The following TDRD9 variants were observed in gnomAD, a reference collection of about 807,000 sequenced individuals.
The protein encoded by TDRD9 is tudor domain containing 9.
TDRD9 carries 124 observed loss-of-function variants against 172.6 expected under a neutral mutation model. The observed-to-expected ratio is 0.72, with a 90% CI of 0.62 to 0.83. The LOEUF is 0.83. TDRD9 is among the 40% of genes least tolerant of loss of function. The pLI, the probability that TDRD9 is intolerant of heterozygous loss-of-function variation, is 0.00. For missense variants in TDRD9, 1,479 were observed against 1,714.1 expected (o/e 0.86, Z 2.42); for synonymous variants, 619 against 617.1 (o/e 1.00, Z -0.05).
At chr14:104,047,351 T>C (rs1027255317) in intron 34 of TDRD9, among the ~76,000 whole-genome samples, 2 of 152,226 alleles carry the variant, frequency 1.3e-5, no homozygotes, top group African/African-American at 2.4e-5. Flanking sequence ...TAAACTTCTG[T>C]ATTCTAGTAG....
chr14:103,956,142 ATATATAT>A (rs1477549810), intron 2 of TDRD9, among the ~76,000 whole-genome samples: 5 of 112,132 alleles, frequency 4.5e-5, no homozygotes, highest in Non-Finnish European at 7.0e-5. Flanking sequence ...ATATATATAT[ATATATAT>A]AATTATTAGG....
chr14:104,008,365 C>G, intron 19 of TDRD9, 48 bp from the exon 20 acceptor site: 1 of 1,103,964 alleles, frequency 9.1e-7, no homozygotes. Flanking sequence ...AAATTCAGCT[C>G]TAATTTATTA....
intron 1 of TDRD9, among the ~76,000 whole-genome samples, chr14:103,929,488 C>T (rs926689800): frequency 6.6e-6 from 1 of 152,094 alleles, no homozygotes; most frequent in Middle Eastern, 3.2e-3. Flanking sequence ...TATCTCCATT[C>T]ACCTACTGAA....
At chr14:104,047,225 T>A (rs1052344329) in intron 34 of TDRD9, among the ~76,000 whole-genome samples, 2 of 152,262 alleles carry the variant, frequency 1.3e-5, no homozygotes, top group African/African-American at 4.8e-5. Context: ...TTTCTAAATA[T>A]TTTAGTTCTT....
chr14:103,941,254 T>C (rs2031212899), intron 1 of TDRD9: 3 of 954,516 alleles, frequency 3.1e-6, no homozygotes, highest in Non-Finnish European at 4.5e-6. Context: ...GTAAAGAAAT[T>C]TTAAATGTAA....
In TDRD9 at chr14:104,019,328, G is replaced by A. The variant is rs73356306; in HGVS notation, c.2432+1136G>A. Among the ~76,000 whole-genome samples, 1,456 of 152,126 alleles carry A rather than the reference G, an allele frequency of 9.6e-3. 30 individuals carry two copies. The highest frequency in any genetic ancestry group is 0.033 in the African/African-American group (1,378 of 41,520). On this transcript the variant is annotated intron_variant, in intron 23 of 35. Transcript: ENST00000409874. ...GGATTGGGTTCTGTGTTTGTTGCCT[G>A]TTCTTCTTGCCTGGGACTTTTTTTT...
rs1180211705 is a variant in TDRD9 at position 103,928,643 on chromosome 14, A to T, written c.134A>T (p.Asp45Val). 15 of 1,276,496 alleles carry T rather than the reference A, an allele frequency of 1.2e-5. No individual in the cohort carries two copies. Among genetic ancestry groups the T allele is most frequent in the African/African-American group, 1.6e-5 (1 of 63,588 alleles). The allele number at this position is 1,276,496 out of a possible 1,614,324, so 79.1% of individuals were successfully genotyped here. ...GAAREEVQRQ[D>V]VAPGAGPAAQ... Reference sequence around the variant, plus strand: ...GCCAGGGAGGAGGTGCAGCGCCAGGACGTGGCCCCCGGCGCTGGTCCCGCG... The same window carrying T: ...GCCAGGGAGGAGGTGCAGCGCCAGGTCGTGGCCCCCGGCGCTGGTCCCGCG... Residue 45 changes from aspartate (D) to valine (V), a missense_variant, in exon 1 of 36, where the codon GAC becomes GTC. Asp to Val is a radical substitution (Grantham distance 152). Transcript: ENST00000409874.
chr14:104,022,455 T>TG lies in TDRD9; in HGVS notation c.2606+130dup, dbSNP rs1298339623. On this transcript the variant is annotated intron_variant, in intron 24 of 35. Coordinates refer to ENST00000409874, the MANE Select transcript of TDRD9 (RefSeq NM_153046.3). Reference sequence around the variant, plus strand: ...GTAAAAGCACTGGCTTGGCTGGGTGTGGGGGCTCACGCCACTCATCCAGCA... The same window carrying TG: ...GTAAAAGCACTGGCTTGGCTGGGTGTGGGGGGCTCACGCCACTCATCCAGCA... The TG allele has an allele frequency of 1.9e-4, 200 of 1,037,772 alleles. 1 individual carries two copies. The highest frequency in any genetic ancestry group is 4.5e-4 in the Middle Eastern group (2 of 4,442). The allele number at this position is 1,037,772 out of a possible 1,614,324, so 64.3% of individuals were successfully genotyped here.
intron 7 of TDRD9, among the ~76,000 whole-genome samples, chr14:103,985,237 T>G (rs144177528): frequency 2.6e-5 from 4 of 152,288 alleles, no homozygotes; most frequent in African/African-American, 4.8e-5. Flanking sequence ...CAGAATGATA[T>G]GGTTTAGCTG....
chr14:104,002,237 T>C (rs935895167), intron 13 of TDRD9, among the ~76,000 whole-genome samples: 8 of 151,454 alleles, frequency 5.3e-5, no homozygotes, highest in Admixed American at 1.3e-4. Flanking sequence ...GGAGGATAGA[T>C]TGAGCCTGGG....
chr14:103,954,651 T>TG (rs1240048286), intron 1 of TDRD9, among the ~76,000 whole-genome samples: 1 of 152,168 alleles, frequency 6.6e-6, no homozygotes, highest in Non-Finnish European at 1.5e-5. Context: ...TTTTTTGAGA[T>TG]GGAATGTGGC....
intron 11 of TDRD9, 27 bp from the exon 12 acceptor site, chr14:103,995,723 T>C (rs780672179): frequency 6.4e-7 from 1 of 1,572,900 alleles, no homozygotes; most frequent in Non-Finnish European, 8.6e-7. Flanking sequence ...AGTAGGAATG[T>C]CAGCTTTTTT....
intron 20 of TDRD9, among the ~76,000 whole-genome samples, chr14:104,010,256 A>T (rs561114348): frequency 7.5e-6 from 1 of 133,392 alleles, no homozygotes; most frequent in Non-Finnish European, 1.7e-5. Flanking sequence ...AATTTTTTTT[A>T]TTCTTTTATT....
chr14:103,941,854 C>T (rs1301960595), intron 1 of TDRD9, among the ~76,000 whole-genome samples: 1 of 152,002 alleles, frequency 6.6e-6, no homozygotes, highest in Non-Finnish European at 1.5e-5. Flanking sequence ...CATGGATTAA[C>T]GTCTTAATTT....
chr14:103,975,558 G>A lies in TDRD9; in HGVS notation c.1011+5G>A, dbSNP rs1486097392. ...GAGCACATTCATCATAGCAAGGTATGTTAGAATGTGCTGTTTCTTTTATAG... is the reference window on the plus strand; with the variant it reads ...GAGCACATTCATCATAGCAAGGTATATTAGAATGTGCTGTTTCTTTTATAG... On this transcript the variant is annotated splice_donor_5th_base_variant and intron_variant, in intron 7 of 35. Transcript: ENST00000409874. 3 of 1,592,130 alleles carry A rather than the reference G, an allele frequency of 1.9e-6. No homozygotes were observed. The highest frequency in any genetic ancestry group is 2.6e-6 in the Non-Finnish European group (3 of 1,168,018).
At chr14:104,025,812 T>C (rs775698723) in intron 26 of TDRD9, 36 bp downstream of exon 26, 7 of 1,504,654 alleles carry the variant, frequency 4.7e-6, no homozygotes, top group Non-Finnish European at 3.7e-6. Context: ...GGAAGGGAAA[T>C]GAGACAGACA....
In TDRD9 at chr14:104,022,306, A is replaced by C. The variant is rs921141898; in HGVS notation, c.2582A>C (p.Asn861Thr). The C allele has an allele frequency of 6.2e-7, 1 of 1,613,370 alleles. No individual in the cohort carries two copies. The highest frequency in any genetic ancestry group is 1.3e-5 in the African/African-American group (1 of 74,928). Residue 861 changes from asparagine to threonine, a missense_variant, in exon 24 of 36, where the codon AAC becomes ACC. Asn to Thr is a moderately conservative substitution (Grantham distance 65). Coordinates refer to ENST00000409874, the MANE Select transcript of TDRD9 (RefSeq NM_153046.3). ...ATTGAAGGGAAGGTGCAAGGCATGA[A>C]CGTCTCAAAGCTCAGGAACACAAGG... ...EEIEGKVQGM[N>T]VSKLRNTRVN...
chr14:104,006,688 G>T lies in TDRD9; in HGVS notation c.1922G>T (p.Arg641Leu). 6.2e-7 allele frequency: 1 copy of T among 1,613,764 alleles called. No homozygotes were observed. The change falls in exon 17 of 36, where the codon CGG (arginine) becomes CTG (leucine). Residue 641 changes from arginine to leucine, a missense_variant. By Grantham distance (102) the Arg-to-Leu change is moderately radical. Transcript: ENST00000409874. ...SLKNFFAMPF[R>L]QHLDGYRNKV... The stretch of plus-strand genomic sequence containing the variant: ...AAGAATTTTTTTGCAATGCCTTTCC[G>T]GCAGCATCTCGATGGATATAGGTAC...
At chr14:104,042,389 G>T (rs1330888517) in intron 34 of TDRD9, among the ~76,000 whole-genome samples, 1 of 152,138 alleles carries the variant, frequency 6.6e-6, no homozygotes, top group Non-Finnish European at 1.5e-5. Flanking sequence ...CTGTGTGTGT[G>T]TGTCCCTTGA....
Sources: gnomAD v4.1 joint callset for allele counts (sites outside exome capture counted in the v4.1 genomes callset) on GRCh38, gnomAD v4.1.1 for gene constraint, MANE v1.5 for transcripts, NCBI Gene and HGNC (gene_info 2026-07-23, HGNC 2026-07-21) for gene names.